Variants in KCNK10 observed in about 807,000 individuals in gnomAD.
KCNK10 encodes the protein potassium channel subfamily K member 10.
KCNK10 carries 25 observed loss-of-function variants against 47.7 expected under a neutral mutation model. The observed-to-expected ratio is 0.52, with a 90% CI of 0.38 to 0.73. KCNK10 has a LOEUF of 0.73. Ranked by LOEUF, KCNK10 falls within the 30% of genes least tolerant of loss-of-function variation. KCNK10 has a pLI of 0.00. For synonymous variants in KCNK10, 303 were observed against 285.6 expected, an observed-to-expected ratio of 1.06 and a Z score of -0.61; for missense variants, 563 against 714.5, an observed-to-expected ratio of 0.79 and a Z score of 2.42.
intron 3 of KCNK10, among the ~76,000 whole-genome samples, chr14:88,240,181 G>A (rs1886412129): frequency 6.6e-6 from 1 of 152,004 alleles, no homozygotes; most frequent in Non-Finnish European, 1.5e-5. Flanking sequence ...CTTCCACAAT[G>A]GAAAGTCAAA....
intron 3 of KCNK10, among the ~76,000 whole-genome samples, chr14:88,229,341 G>A (rs955934518): frequency 6.6e-6 from 1 of 152,008 alleles, no homozygotes; most frequent in Non-Finnish European, 1.5e-5. Context: ...GAAAGATCTG[G>A]ATCAAATTCC....
At chr14:88,226,992 C>G (rs1023410221) in intron 4 of KCNK10, among the ~76,000 whole-genome samples, 2 of 152,176 alleles carry the variant, frequency 1.3e-5, no homozygotes, top group African/African-American at 4.8e-5. Flanking sequence ...GAAAATAAAA[C>G]GGAGTAAGGG....
chr14:88,191,850 C>T (rs1884758387), intron 5 of KCNK10, among the ~76,000 whole-genome samples: 1 of 152,206 alleles, frequency 6.6e-6, no homozygotes, highest in African/African-American at 2.4e-5. Flanking sequence ...AAATTCTATG[C>T]TAATCTCATC....
Position 88,192,381 on chromosome 14 carries a change from C to G in KCNK10, c.711G>C (p.Arg237=). 1 of 1,613,896 alleles carries G rather than the reference C, an allele frequency of 6.2e-7. No individual in the cohort carries two copies. The highest frequency in any genetic ancestry group is 1.1e-5 in the South Asian group (1 of 91,032). Residue 237 remains arginine (R), a synonymous_variant, in exon 5 of 7, where the codon CGG becomes CGC. Coordinates refer to ENST00000319231, the MANE Select transcript of KCNK10 (RefSeq NM_138317.3). The part of the protein sequence containing the change: ...RKKQVSQTKI[R]VISTILFILA... ...AGATGAACAGGATGGTTGAGATGAC[C>G]CGGATCTTGGTCTGACTCACTTGCT...
At chr14:88,242,973 G>A (rs1036495096) in intron 2 of KCNK10, among the ~76,000 whole-genome samples, 6 of 152,172 alleles carry the variant, frequency 3.9e-5, no homozygotes, top group South Asian at 2.1e-4. Flanking sequence ...CAAGTCTCAC[G>A]GTGCTGAGAA....
At chr14:88,257,907 G>C (rs181377692) in intron 2 of KCNK10, among the ~76,000 whole-genome samples, 189 of 152,084 alleles carry the variant, frequency 1.2e-3, no homozygotes, top group African/African-American at 4.2e-3. Context: ...TTTGTGGGAG[G>C]GGGGGTCTAT....
At chr14:88,304,609 T>A (rs111324049) in intron 1 of KCNK10, among the ~76,000 whole-genome samples, 1,859 of 152,338 alleles carry the variant, frequency 0.012, 49 homozygotes, top group African/African-American at 0.043. Context: ...TGCTGTAAGC[T>A]AGTGTCCATT....
At chr14:88,223,981 G>C (rs1885905185) in intron 4 of KCNK10, among the ~76,000 whole-genome samples, 1 of 149,638 alleles carries the variant, frequency 6.7e-6, no homozygotes, top group Non-Finnish European at 1.5e-5. Context: ...AGGAGTTCCA[G>C]ACTAGCCTTG....
intron 1 of KCNK10, among the ~76,000 whole-genome samples, chr14:88,312,897 T>C (rs1888356886): frequency 6.6e-6 from 1 of 152,204 alleles, no homozygotes; most frequent in African/African-American, 2.4e-5. Flanking sequence ...TCACTGTCTT[T>C]CTAGAATAAT....
chr14:88,296,764 G>A (rs1452471187), intron 1 of KCNK10, among the ~76,000 whole-genome samples: 1 of 152,186 alleles, frequency 6.6e-6, no homozygotes, highest in Non-Finnish European at 1.5e-5. Context: ...TTGAGTCCTA[G>A]TGTCCCTGGA....
chr14:88,233,086 G>T (rs540222405), intron 3 of KCNK10, among the ~76,000 whole-genome samples: 1 of 152,332 alleles, frequency 6.6e-6, no homozygotes, highest in South Asian at 2.1e-4. Context: ...CATGTATTGG[G>T]ATGTTCTCAC....
chr14:88,294,063 T>C (rs1195303418), intron 1 of KCNK10, among the ~76,000 whole-genome samples: 3 of 152,194 alleles, frequency 2.0e-5, no homozygotes, highest in Non-Finnish European at 4.4e-5. Context: ...GTACCGATTT[T>C]GTTTAGGGAA....
At chr14:88,256,244 A>G (rs775167520) in intron 2 of KCNK10, among the ~76,000 whole-genome samples, 39 of 152,158 alleles carry the variant, frequency 2.6e-4, no homozygotes, top group Non-Finnish European at 5.4e-4. Context: ...GAAGATCCAC[A>G]TACCTCATTA....
Position 88,204,804 on chromosome 14 carries a change from C to T in KCNK10, c.682-12394G>A, listed in dbSNP as rs1225865804. Among the ~76,000 whole-genome samples, 7 of 152,228 alleles carry T rather than the reference C, an allele frequency of 4.6e-5. No homozygotes were observed. The East Asian group carries it at 5.8e-4, about 13-fold the overall frequency. On this transcript the variant is annotated intron_variant, in intron 4 of 6. Transcript: ENST00000319231. ...GTACAGAGATCTCCCATATAGCCCC[C>T]GCCCCAAACATGCACAGCCTTCCCC...
Position 88,182,994 on chromosome 14 carries a change from C to CA in KCNK10, c.*2540dup, listed in dbSNP as rs1388537261. 5.3e-5 allele frequency: 8 copies of CA among 152,298 alleles called. No individual in the cohort carries two copies. Among genetic ancestry groups the CA allele is most frequent in the Non-Finnish European group, 1.0e-4 (7 of 68,038 alleles). The allele number at this position is 152,298 out of a possible 1,614,324, so 9.4% of individuals were successfully genotyped here. ...TGTGCCCTCTTGGTGGTGGAGATTC[C>CA]ACCATATCTGCTCCCCACATCTGTA... On this transcript the variant is annotated 3_prime_UTR_variant, in exon 7 of 7. Transcript: ENST00000319231.
upstream of KCNK10, among the ~76,000 whole-genome samples, chr14:88,325,101 C>T (rs1888633323): frequency 6.6e-6 from 1 of 152,200 alleles, no homozygotes; most frequent in African/African-American, 2.4e-5. Context: ...ATGGCTAAGA[C>T]ATAGAAATCA....
intron 4 of KCNK10, among the ~76,000 whole-genome samples, chr14:88,223,352 T>G (rs1885880762): frequency 1.3e-5 from 2 of 151,368 alleles, no homozygotes; most frequent in Non-Finnish European, 2.9e-5. Context: ...GCACACATAG[T>G]TTAAACTGGC....
intron 2 of KCNK10, among the ~76,000 whole-genome samples, chr14:88,242,425 C>T (rs575866464): frequency 3.0e-4 from 46 of 152,168 alleles, no homozygotes; most frequent in African/African-American, 1.1e-3. Context: ...AGGGGTTGTA[C>T]AAAAAGATGC....
chr14:88,200,147 T>TCTTCTTTCCTTCCTTCCTTC (rs1885059267), intron 4 of KCNK10, among the ~76,000 whole-genome samples: 1 of 151,886 alleles, frequency 6.6e-6, no homozygotes, highest in Non-Finnish European at 1.5e-5. Flanking sequence ...TTCCTTCCTT[T>TCTTCTTTCCTTCCTTCCTTC]CTTCTTTCCT....
Sources: allele counts gnomAD v4.1 joint callset (sites outside exome capture counted in the v4.1 genomes callset), GRCh38; gene constraint gnomAD v4.1.1; transcripts MANE v1.5; gene names NCBI Gene and HGNC (gene_info 2026-07-23, HGNC 2026-07-21).